Variants in PXT1 observed in about 807,000 individuals in gnomAD.
The protein encoded by PXT1 is peroxisomal testis enriched protein 1.
PXT1 carries 11 observed loss-of-function variants against 11.0 expected under a neutral mutation model. The observed-to-expected ratio is 1.00, with a 90% CI of 0.63 to 1.66. The LOEUF (loss-of-function observed/expected upper bound fraction) is 1.66. PXT1 is among the 40% of genes most tolerant of loss of function. The pLI, the probability that PXT1 is intolerant of heterozygous loss-of-function variation, is 0.00. For synonymous variants in PXT1, 43 were observed against 51.4 expected (o/e 0.84, Z 0.70); for missense variants, 141 against 155.5 (o/e 0.91, Z 0.49).
At chr6:36,431,827 T>G (rs894202530) in intron 2 of PXT1, among the ~76,000 whole-genome samples, 7 of 152,078 alleles carry the variant, frequency 4.6e-5, no homozygotes, top group Admixed American at 2.6e-4. Flanking sequence ...TCCTAGCACT[T>G]TGGGAGGCCG....
At chr6:36,392,495 C>T (rs1431863449) in intron 4 of PXT1, among the ~76,000 whole-genome samples, 1 of 152,030 alleles carries the variant, frequency 6.6e-6, no homozygotes, top group Non-Finnish European at 1.5e-5. Flanking sequence ...ATGGTGAAAC[C>T]TCATCTCTAG....
At chr6:36,410,783 C>T (rs1443720938) in intron 3 of PXT1, among the ~76,000 whole-genome samples, 1 of 152,154 alleles carries the variant, frequency 6.6e-6, no homozygotes, top group Non-Finnish European at 1.5e-5. Flanking sequence ...TAACTCATCT[C>T]CCTAAAGCCC....
chr6:36,436,139 A>G (rs1482407704), intron 2 of PXT1, among the ~76,000 whole-genome samples: 1 of 147,484 alleles, frequency 6.8e-6, no homozygotes, highest in African/African-American at 2.5e-5. Context: ...AAAAGCCAGC[A>G]TGATTGCAGA....
At position 36,425,800 on chromosome 6, in the gene PXT1, C is replaced by CAAAAACAAACAAACA. The variant is rs1433662209; in HGVS notation, c.169+113_169+114insTGTTTGTTTGTTTTT. On this transcript the variant is annotated intron_variant, in intron 3 of 4. Transcript: ENST00000454782. ...GAGACTCTGTCTCAAAAAACAAAAA[C>CAAAAACAAACAAACA]AAAAAATATATATATATATATATAT... 361 of 216,692 alleles carry CAAAAACAAACAAACA rather than the reference C, an allele frequency of 1.7e-3. 1 individual carries two copies. The highest frequency in any genetic ancestry group is 0.011 in the African/African-American group (334 of 29,788). The allele number at this position is 216,692 out of a possible 1,614,324, so 13.4% of individuals were successfully genotyped here.
At position 36,400,435 on chromosome 6, in the gene PXT1, G is replaced by C; in HGVS notation, c.300+19C>G. The C allele has an allele frequency of 1.2e-6, 2 of 1,611,932 alleles. No homozygotes were observed. The highest frequency in any genetic ancestry group is 1.7e-6 in the Non-Finnish European group (2 of 1,178,626). On this transcript the variant is annotated intron_variant, in intron 4 of 4. Coordinates refer to ENST00000454782, the MANE Select transcript of PXT1 (RefSeq NM_152990.4). Reference sequence around the variant, plus strand: ...TCCTCCTACCTGACAGGCCCTGGCTGGGGAAACTGAAGCCTCACCTCTCGA... The same window carrying C: ...TCCTCCTACCTGACAGGCCCTGGCTCGGGAAACTGAAGCCTCACCTCTCGA...
chr6:36,414,409 A>G (rs1774419497), intron 3 of PXT1, among the ~76,000 whole-genome samples: 2 of 152,226 alleles, frequency 1.3e-5, no homozygotes, highest in South Asian at 4.1e-4. Flanking sequence ...GAAAGTCCAG[A>G]AAACAATAAA....
In PXT1 at chr6:36,429,575, G is replaced by A. The variant is rs180701705; in HGVS notation, c.-9-3484C>T. On this transcript the variant is annotated intron_variant, in intron 2 of 4. Transcript: ENST00000454782. ...GGCTGGAGTGCAATGGTGCAATCTC[G>A]GTTCACTGCAACCTCCGCCTCCCAG... Among the ~76,000 whole-genome samples, 255 of 133,160 alleles carry A rather than the reference G, an allele frequency of 1.9e-3. 1 individual carries two copies. The highest frequency in any genetic ancestry group is 6.9e-3 in the African/African-American group (235 of 34,214). The allele number at this position is 133,160 out of a possible 152,430, so 87.4% of individuals were successfully genotyped here.
At chr6:36,423,387 A>C (rs1033659809) in intron 3 of PXT1, among the ~76,000 whole-genome samples, 1 of 152,214 alleles carries the variant, frequency 6.6e-6, no homozygotes, top group African/African-American at 2.4e-5. Flanking sequence ...CTCCCGCCCT[A>C]GGCTTTCTGT....
intron 3 of PXT1, among the ~76,000 whole-genome samples, chr6:36,418,150 C>T (rs534476767): frequency 8.6e-5 from 13 of 151,524 alleles, no homozygotes; most frequent in African/African-American, 2.2e-4. Flanking sequence ...GAGCTGAGAT[C>T]GCACCTCTGC....
chr6:36,435,589 C>G (rs1321455286), intron 2 of PXT1, among the ~76,000 whole-genome samples: 1 of 151,874 alleles, frequency 6.6e-6, no homozygotes, highest in Non-Finnish European at 1.5e-5. Flanking sequence ...CAAACAAATG[C>G]AAGAAAACAT....
At chr6:36,441,410 A>T (rs1351830336) in intron 1 of PXT1, among the ~76,000 whole-genome samples, 1 of 152,210 alleles carries the variant, frequency 6.6e-6, no homozygotes, top group East Asian at 1.9e-4. Context: ...ACAGGAATTT[A>T]TATCTCACAG....
chr6:36,429,231 A>G (rs1034359820), intron 2 of PXT1, among the ~76,000 whole-genome samples: 5 of 6,368 alleles, frequency 7.9e-4, no homozygotes, highest in African/African-American at 1.3e-3. Context: ...ACACCACTGC[A>G]TTCCAGCCTG....
chr6:36,411,870 C>A (rs1774380105), intron 3 of PXT1, among the ~76,000 whole-genome samples: 5 of 151,734 alleles, frequency 3.3e-5, no homozygotes, highest in Admixed American at 3.3e-4. Context: ...ATCATTTGAG[C>A]CCAAGATGTT....
intron 2 of PXT1, among the ~76,000 whole-genome samples, chr6:36,427,714 T>A (rs1582269343): frequency 6.6e-6 from 1 of 151,998 alleles, no homozygotes; most frequent in East Asian, 1.9e-4. Context: ...TTAATTTAAG[T>A]CAAGTCTTCA....
intron 3 of PXT1, among the ~76,000 whole-genome samples, chr6:36,412,906 T>G (rs1232229545): frequency 2.1e-5 from 3 of 145,808 alleles, no homozygotes; most frequent in African/African-American, 7.6e-5. Flanking sequence ...TGAAAAAAAG[T>G]TAAGTCAAAA....
chr6:36,438,569 C>T (rs758715378), intron 2 of PXT1, among the ~76,000 whole-genome samples, 198 bp downstream of exon 2: 7 of 152,046 alleles, frequency 4.6e-5, no homozygotes, highest in Non-Finnish European at 7.4e-5. Context: ...ACTACAGGTG[C>T]CTGCCACCAC....
At chr6:36,426,941 CCT>C (rs753761261) in intron 2 of PXT1, among the ~76,000 whole-genome samples, 21 of 152,104 alleles carry the variant, frequency 1.4e-4, no homozygotes, top group Non-Finnish European at 2.8e-4. Flanking sequence ...TCTTCCGCCC[CCT>C]TTCCCTTTTC....
intron 3 of PXT1, among the ~76,000 whole-genome samples, chr6:36,409,392 G>A (rs1308692130): frequency 6.6e-6 from 1 of 152,178 alleles, no homozygotes; most frequent in Admixed American, 6.5e-5. Context: ...ATGCTTGGAA[G>A]CCCATCTACC....
intron 2 of PXT1, among the ~76,000 whole-genome samples, chr6:36,429,508 C>CTTTTTTTTTTTTTTTTTTTCT (rs112777415): frequency 9.2e-6 from 1 of 108,214 alleles, no homozygotes; most frequent in African/African-American, 3.8e-5. Context: ...TTTTTCTTTT[C>CTTTTTTTTTTTTTTTTTTTCT]TTTTTTTTTT....
Sources: allele counts gnomAD v4.1 joint callset (sites outside exome capture counted in the v4.1 genomes callset), GRCh38; gene constraint gnomAD v4.1.1; transcripts MANE v1.5; gene names NCBI Gene and HGNC (gene_info 2026-07-23, HGNC 2026-07-21).